The following SH3KBP1 variants were observed in gnomAD, a reference collection of about 807,000 sequenced individuals.
SH3KBP1 encodes the protein SH3 domain containing kinase binding protein 1.
SH3KBP1 carries 8 observed loss-of-function variants against 50.1 expected under a neutral mutation model. The ratio of observed to expected loss-of-function variants is 0.16; its 90% CI spans 0.09 to 0.29. The LOEUF is 0.29. Among genes scored for constraint, SH3KBP1 ranks in the 10% least tolerant of loss-of-function variants. The probability of loss-of-function intolerance (pLI) is 1.00; values close to 1 mark genes in which losing one functional copy is unlikely to be tolerated. For missense variants in SH3KBP1, 377 were observed against 535.2 expected, an observed-to-expected ratio of 0.70 and a Z score of 2.92; for synonymous variants, 227 against 218.6, an observed-to-expected ratio of 1.04 and a Z score of -0.34.
intron 2 of SH3KBP1, among the ~76,000 whole-genome samples, chrX:19,798,945 G>A (rs2066807363): frequency 8.9e-6 from 1 of 112,067 alleles, no homozygotes; most frequent in Non-Finnish European, 1.9e-5. Context: ...GTAAGACTTG[G>A]AGAGATCTTG....
chrX:19,698,533 G>A (rs774274281), intron 4 of SH3KBP1, among the ~76,000 whole-genome samples: 1 of 111,896 alleles, frequency 8.9e-6, no homozygotes, highest in Non-Finnish European at 1.9e-5. Context: ...GTAAGTGGAG[G>A]GGCAGACAAT....
chrX:19,549,938 GAAGT>G, intron 14 of SH3KBP1, 32 bp downstream of exon 14: 1 of 990,305 alleles, frequency 1.0e-6, no homozygotes, highest in East Asian at 3.1e-5. Flanking sequence ...CCGCTGTAGA[GAAGT>G]AAGGGAACAT....
At chrX:19,571,107 A>C (rs1328043565) in intron 12 of SH3KBP1, among the ~76,000 whole-genome samples, 2 of 112,401 alleles carry the variant, frequency 1.8e-5, no homozygotes, top group African/African-American at 6.5e-5. Flanking sequence ...CAGGAGGGGC[A>C]GGGGTAAGAA....
chrX:19,797,036 AG>A (rs1194967272), intron 2 of SH3KBP1, among the ~76,000 whole-genome samples: 2 of 112,915 alleles, frequency 1.8e-5, no homozygotes, highest in East Asian at 5.5e-4. Context: ...CTATGCATCT[AG>A]AATTGAGTTA....
At chrX:19,569,987 T>C (rs984758662) in intron 12 of SH3KBP1, among the ~76,000 whole-genome samples, 1 of 111,881 alleles carries the variant, frequency 8.9e-6, no homozygotes, top group Non-Finnish European at 1.9e-5. Context: ...GCCCATAAAA[T>C]GAGAGAGAGA....
At chrX:19,808,154 G>A (rs2067105211) in intron 2 of SH3KBP1, among the ~76,000 whole-genome samples, 1 of 110,823 alleles carries the variant, frequency 9.0e-6, no homozygotes, top group South Asian at 3.8e-4. Flanking sequence ...GGTGGGGTGA[G>A]GGAAGAAGGG....
intron 1 of SH3KBP1, among the ~76,000 whole-genome samples, chrX:19,878,503 TGTGAGAGAGAGA>T (rs749420429): frequency 3.8e-5 from 3 of 78,887 alleles, no homozygotes; most frequent in African/African-American, 1.6e-4. Flanking sequence ...TGTGTGTGTG[TGTGAGAGAGAGA>T]GAGAGAGAGA....
intron 2 of SH3KBP1, among the ~76,000 whole-genome samples, chrX:19,797,923 ACG>A (rs1267198925): frequency 9.3e-6 from 1 of 108,042 alleles, no homozygotes; most frequent in Admixed American, 9.8e-5. Flanking sequence ...ACACACACAC[ACG>A]AAAGGCAACT....
chrX:19,603,533 T>A (rs1382229108), intron 9 of SH3KBP1, among the ~76,000 whole-genome samples: 2 of 112,147 alleles, frequency 1.8e-5, no homozygotes, highest in East Asian at 5.6e-4. Flanking sequence ...GAGCTCCCAC[T>A]GGGGAGCATT....
chrX:19,760,041 C>CCTCTCTCTCTCTCTCT (rs745515349), intron 2 of SH3KBP1, among the ~76,000 whole-genome samples: 49 of 50,434 alleles, frequency 9.7e-4, no homozygotes, highest in South Asian at 4.1e-3. Flanking sequence ...TCTCTCTCTC[C>CCTCTCTCTCTCTCTCT]CTCTCTCTCT....
chrX:19,684,977 T>C (rs139663900), intron 5 of SH3KBP1, among the ~76,000 whole-genome samples: 30 of 112,608 alleles, frequency 2.7e-4, no homozygotes, highest in African/African-American at 9.4e-4. Flanking sequence ...TATTCTTCCT[T>C]TGATGGTCAG....
chrX:19,629,363 G>C (rs1602723303), intron 8 of SH3KBP1, among the ~76,000 whole-genome samples: 1 of 111,071 alleles, frequency 9.0e-6, no homozygotes, highest in Non-Finnish European at 1.9e-5. Context: ...GATTTTGATT[G>C]GTGCAGAAGG....
In SH3KBP1 at chrX:19,554,314, ACAT is replaced by A. The variant is rs1239350085; in HGVS notation, c.1385-4234_1385-4232del. On this transcript the variant is annotated intron_variant, in intron 13 of 17. Coordinates refer to ENST00000397821, the MANE Select transcript of SH3KBP1 (RefSeq NM_031892.3). ...TATATTATATATCATATTAAAATAT[ACAT>A]CATATTAAAATATAATATTATATAT... 1.5e-4 allele frequency among the ~76,000 whole-genome samples: 14 copies of A among 90,640 alleles called. 1 individual carries two copies. Among genetic ancestry groups the A allele is most frequent in the Non-Finnish European group, 1.8e-4 (9 of 48,873 alleles). 78.7% of individuals were successfully genotyped at this position (90,640 alleles called of 115,157 possible). A position where few individuals can be genotyped will look rare whatever the true frequency, so the allele number is the denominator to read the frequency against.
intron 2 of SH3KBP1, among the ~76,000 whole-genome samples, chrX:19,793,937 T>C (rs1373927487): frequency 1.8e-5 from 2 of 110,930 alleles, no homozygotes; most frequent in African/African-American, 6.6e-5. Context: ...TGTGTCTCAG[T>C]TTCCTCATCT....
At chrX:19,813,088 A>G (rs2067253701) in intron 2 of SH3KBP1, among the ~76,000 whole-genome samples, 1 of 109,640 alleles carries the variant, frequency 9.1e-6, no homozygotes, top group Admixed American at 9.7e-5. Flanking sequence ...GGCTGCAGTG[A>G]GCCATGATCG....
chrX:19,623,042 CAAAAAA>C (rs773914815), intron 8 of SH3KBP1, among the ~76,000 whole-genome samples: 6 of 22,244 alleles, frequency 2.7e-4, no homozygotes, highest in Admixed American at 5.2e-4. Flanking sequence ...CACTCTGACT[CAAAAAA>C]AAAAAAAAAA....
At chrX:19,805,809 T>C (rs1170111120) in intron 2 of SH3KBP1, among the ~76,000 whole-genome samples, 2 of 111,666 alleles carry the variant, frequency 1.8e-5, no homozygotes. Context: ...CTCTGGTCCC[T>C]GGGAAGTGCT....
At chrX:19,632,617 C>T (rs1036505527) in intron 7 of SH3KBP1, among the ~76,000 whole-genome samples, 6 of 112,445 alleles carry the variant, frequency 5.3e-5, no homozygotes, top group Non-Finnish European at 9.4e-5. Context: ...ATGGCTGTTC[C>T]TCAGCAAAGA....
intron 2 of SH3KBP1, among the ~76,000 whole-genome samples, chrX:19,760,338 G>A (rs916712730): frequency 4.6e-5 from 5 of 109,678 alleles, no homozygotes; most frequent in Non-Finnish European, 9.5e-5. Context: ...AGTGAGCTGA[G>A]ATCGCACCAC....
Sources: gnomAD v4.1 joint callset for allele counts (sites outside exome capture counted in the v4.1 genomes callset) on GRCh38, gnomAD v4.1.1 for gene constraint, MANE v1.5 for transcripts, NCBI Gene and HGNC (gene_info 2026-07-23, HGNC 2026-07-21) for gene names.